Variants in ADGRA2 observed in about 807,000 individuals in gnomAD.
ADGRA2 encodes adhesion G protein-coupled receptor A2.
Under a neutral mutation model 98.7 loss-of-function variants are expected in ADGRA2, and 61 were observed. The ratio of observed to expected loss-of-function variants is 0.62; its 90% CI spans 0.50 to 0.76. The LOEUF is 0.76. ADGRA2 is among the 30% of genes least tolerant of loss of function. The pLI is 0.00. For missense variants in ADGRA2, 1,712 were observed against 1,860.0 expected (o/e 0.92, Z 1.46); for synonymous variants, 858 against 831.5 (o/e 1.03, Z -0.55).
intron 2 of ADGRA2, 112 bp downstream of exon 2, chr8:37,815,079 G>C: frequency 1.2e-6 from 1 of 800,516 alleles, no homozygotes; most frequent in South Asian, 1.4e-5. Context: ...CCTGCCGGCC[G>C]AGCAGGGCCC....
At position 37,844,665 on chromosome 8, in the gene ADGRA2, A is replaced by G. The variant is rs1406100288; in HGVS notation, c.*2310A>G. 2 of 1,614,104 alleles carry G rather than the reference A, an allele frequency of 1.2e-6. No homozygotes were observed. On this transcript the variant is annotated 3_prime_UTR_variant, in exon 19 of 19. Transcript: ENST00000412232. ...GCAGATCCGCTTCGGGGACTTCAAC[A>G]TGCAGGGTGGCAAGAGAAGGGCAGG...
At chr8:37,832,454 C>T (rs144166434) in intron 8 of ADGRA2, among the ~76,000 whole-genome samples, 1 of 152,192 alleles carries the variant, frequency 6.6e-6, no homozygotes, top group East Asian at 1.9e-4. Flanking sequence ...CTCCCACCTC[C>T]GCCTCCCAAG....
At position 37,844,427 on chromosome 8, in the gene ADGRA2, T is replaced by C; in HGVS notation, c.*2072T>C. The C allele has an allele frequency of 6.4e-7, 1 of 1,570,904 alleles. No homozygotes were observed. Reference sequence around the variant, plus strand: ...ACGGACTGGTGTACACTTCCATCCTTGGTTATAACAGGAATGTTATCAAGC... The same window carrying C: ...ACGGACTGGTGTACACTTCCATCCTCGGTTATAACAGGAATGTTATCAAGC... On this transcript the variant is annotated 3_prime_UTR_variant, in exon 19 of 19. Coordinates refer to ENST00000412232, the MANE Select transcript of ADGRA2 (RefSeq NM_032777.10).
chr8:37,806,781 T>C (rs1241630125), intron 1 of ADGRA2, among the ~76,000 whole-genome samples: 1 of 152,046 alleles, frequency 6.6e-6, no homozygotes, highest in Non-Finnish European at 1.5e-5. Context: ...CCATCCACCT[T>C]GTCCTCCCAA....
At position 37,833,726 on chromosome 8, in the gene ADGRA2, C is replaced by T; in HGVS notation, c.1335C>T (p.His445=). The T allele has an allele frequency of 6.2e-7, 1 of 1,614,168 alleles. No homozygotes were observed. ...CCTCCAATGCGCTGACCCTGGCTCACCAGCTGCGCGTGTACACAGCCGAGG... is the reference window on the plus strand; with the variant it reads ...CCTCCAATGCGCTGACCCTGGCTCATCAGCTGCGCGTGTACACAGCCGAGG... ...INASNALTLA[H]QLRVYTAEAA... The change falls in exon 10 of 19, where the codon CAC becomes CAT. Residue 445 remains histidine, a synonymous_variant. Transcript: ENST00000412232.
At chr8:37,811,836 T>C (rs10089977) in intron 1 of ADGRA2, among the ~76,000 whole-genome samples, 123,696 of 151,232 alleles carry the variant, frequency 0.82, 51,175 homozygotes, top group African/African-American at 0.94. Context: ...GGTGCGGTAG[T>C]TTACACCTAT....
Position 37,825,402 on chromosome 8 carries a change from T to C in ADGRA2, c.339-3486T>C, listed in dbSNP as rs573712327. ...GGAATTACAGGCGCCCACCCCCACA[T>C]TGGCTAAATTTTTTTTTTTTTTTTT... On this transcript the variant is annotated intron_variant, in intron 2 of 18. Transcript: ENST00000412232. Among the ~76,000 whole-genome samples the C allele has an allele frequency of 3.4e-3, 519 of 151,592 alleles. 4 individuals are homozygous for C. The highest frequency in any genetic ancestry group is 5.1e-3 in the Non-Finnish European group (349 of 67,884).
chr8:37,844,480 T>C lies in ADGRA2; in HGVS notation c.*2125T>C. On this transcript the variant is annotated 3_prime_UTR_variant, in exon 19 of 19. Transcript: ENST00000412232. ...TCAGAACAGGATGAAGTGCTCCCAGTGGATATCCATCAGGGAGGGTTAGGG... is the reference window on the plus strand; with the variant it reads ...TCAGAACAGGATGAAGTGCTCCCAGCGGATATCCATCAGGGAGGGTTAGGG... 1 of 1,610,690 alleles carries C rather than the reference T, an allele frequency of 6.2e-7. No homozygotes were observed. Among genetic ancestry groups the C allele is most frequent in the Non-Finnish European group, 8.5e-7 (1 of 1,178,578 alleles).
chr8:37,805,200 C>G (rs888323966), intron 1 of ADGRA2, among the ~76,000 whole-genome samples: 2 of 152,238 alleles, frequency 1.3e-5, no homozygotes, highest in Non-Finnish European at 2.9e-5. Context: ...TCCCCTCCAT[C>G]CTGGAGCTCT....
At chr8:37,807,354 G>C (rs1804705510) in intron 1 of ADGRA2, among the ~76,000 whole-genome samples, 1 of 152,198 alleles carries the variant, frequency 6.6e-6, no homozygotes, top group Admixed American at 6.5e-5. Context: ...CCTGTGCACG[G>C]CGAGCATCCT....
intron 1 of ADGRA2, among the ~76,000 whole-genome samples, chr8:37,803,772 G>C (rs375996560): frequency 2.3e-3 from 347 of 152,250 alleles, no homozygotes; most frequent in African/African-American, 7.9e-3. Flanking sequence ...TGAGGCACGG[G>C]AGCCCCATCT....
intron 2 of ADGRA2, among the ~76,000 whole-genome samples, chr8:37,820,800 A>G (rs946709370): frequency 1.6e-4 from 24 of 152,194 alleles, no homozygotes; most frequent in Admixed American, 1.4e-3. Context: ...CTGGGAGTAG[A>G]TCTGCGTGGT....
intron 15 of ADGRA2, 142 bp from the exon 16 acceptor site, chr8:37,839,357 T>C: frequency 6.9e-7 from 1 of 1,453,596 alleles, no homozygotes; most frequent in Non-Finnish European, 9.2e-7. Context: ...AAGGACTCCC[T>C]ACCCTATGGC....
Position 37,842,394 on chromosome 8 carries a change from G to C in ADGRA2, c.*39G>C, listed in dbSNP as rs948961971. On this transcript the variant is annotated 3_prime_UTR_variant, in exon 19 of 19. Transcript: ENST00000412232. The stretch of plus-strand genomic sequence containing the variant: ...ACGCGGTAGACGGGCTGGCCACGCG[G>C]CTCGTTCCCCCGCTCCTCGGGGCCC... The C allele has an allele frequency of 1.4e-6, 2 of 1,434,188 alleles. No individual in the cohort carries two copies. The highest frequency in any genetic ancestry group is 1.8e-6 in the Non-Finnish European group (2 of 1,095,572). The allele number at this position is 1,434,188 out of a possible 1,614,324, so 88.8% of individuals were successfully genotyped here. A position where few individuals can be genotyped will look rare whatever the true frequency, so the allele number is the denominator to read the frequency against.
chr8:37,831,194 A>G (rs1805442209), intron 7 of ADGRA2, among the ~76,000 whole-genome samples: 1 of 152,240 alleles, frequency 6.6e-6, no homozygotes, highest in African/African-American at 2.4e-5. Context: ...TAATCTCTAC[A>G]GTAGACCTGC....
At position 37,841,450 on chromosome 8, in the gene ADGRA2, C is replaced by G; in HGVS notation, c.3112C>G (p.Leu1038Val). ...LYLAMWACGALAVSQRWLPRV... is the reference protein window; with the variant it reads ...LYLAMWACGAVAVSQRWLPRV... ...CTTGGCCATGTGGGCCTGCGGGGCT[C>G]TGGCAGTGTCCCAGCGCTGGCTGCC... The change falls in exon 19 of 19, where the codon CTG becomes GTG. Residue 1038 changes from leucine (L) to valine (V), a missense_variant. Physicochemically the swap from Leu to Val is conservative, Grantham distance 32. Coordinates refer to ENST00000412232, the MANE Select transcript of ADGRA2 (RefSeq NM_032777.10). This position sits in a 1 kb window ranked among gnomAD's most constrained non-coding sequence, Gnocchi z 5.0. 2 of 1,613,032 alleles carry G rather than the reference C, an allele frequency of 1.2e-6. No individual in the cohort carries two copies. The highest frequency in any genetic ancestry group is 1.7e-5 in the Admixed American group (1 of 59,976).
chr8:37,817,862 CA>C (rs1805022871), intron 2 of ADGRA2, among the ~76,000 whole-genome samples: 1 of 152,152 alleles, frequency 6.6e-6, no homozygotes, highest in Admixed American at 6.5e-5. Context: ...ACTAAAAATA[CA>C]AAAATTAGCC....
intron 13 of ADGRA2, among the ~76,000 whole-genome samples, chr8:37,836,922 T>G (rs1332615457): frequency 1.3e-5 from 2 of 152,206 alleles, no homozygotes; most frequent in African/African-American, 4.8e-5. Flanking sequence ...TCACTGAGTA[T>G]CTGGTATGTG....
chr8:37,806,771 CCA>C (rs1380971172), intron 1 of ADGRA2, among the ~76,000 whole-genome samples: 1 of 152,082 alleles, frequency 6.6e-6, no homozygotes, highest in Non-Finnish European at 1.5e-5. Flanking sequence ...CTCAAGTGAT[CCA>C]TCCACCTTGT....
Sources: allele counts gnomAD v4.1 joint callset (sites outside exome capture counted in the v4.1 genomes callset), GRCh38; gene constraint gnomAD v4.1.1; non-coding constraint Gnocchi (gnomAD v3.1); transcripts MANE v1.5; gene names NCBI Gene and HGNC (gene_info 2026-07-23, HGNC 2026-07-21).